Variants in TRPM7 observed in about 807,000 individuals in gnomAD.
The protein encoded by TRPM7 is LTRPC ion channel family member 7.
A neutral mutation model predicts 229.7 loss-of-function variants in TRPM7; 134 were observed. The ratio of observed to expected loss-of-function variants is 0.58; its 90% confidence interval spans 0.51 to 0.67. TRPM7 has a LOEUF of 0.67. Ranked by LOEUF, TRPM7 falls within the 30% of genes least tolerant of loss-of-function variation. The pLI is 0.00. For missense variants in TRPM7, 1,901 were observed against 2,210.0 expected (o/e 0.86, Z 2.80); for synonymous variants, 699 against 715.2 (o/e 0.98, Z 0.36).
intron 38 of TRPM7, among the ~76,000 whole-genome samples, chr15:50,563,054 G>C (rs2053400320): frequency 6.6e-6 from 1 of 152,174 alleles, no homozygotes; most frequent in Admixed American, 6.5e-5. Flanking sequence ...GTGAATGAGA[G>C]GAAAACTAGT....
At chr15:50,604,733 T>G in intron 21 of TRPM7, 133 bp downstream of exon 21, 1 of 841,380 alleles carries the variant, frequency 1.2e-6, no homozygotes, top group Non-Finnish European at 1.8e-6. Context: ...GAATGGCAGA[T>G]GTGAAGTATG....
chr15:50,670,850 A>G (rs914720770), intron 1 of TRPM7, among the ~76,000 whole-genome samples: 3 of 151,836 alleles, frequency 2.0e-5, no homozygotes, highest in African/African-American at 7.3e-5. Flanking sequence ...AGAGGATACT[A>G]TCAACAACTC....
In TRPM7 at chr15:50,612,925, G is replaced by C. The variant is rs2060102535; in HGVS notation, c.1771-96C>G. 4.5e-6 allele frequency: 5 copies of C among 1,109,448 alleles called. No homozygotes were observed. In the East Asian group the frequency reaches 1.2e-4, roughly 27 times the overall value. 68.7% of individuals were successfully genotyped at this position (1,109,448 alleles called of 1,614,324 possible). A position where few individuals can be genotyped will look rare whatever the true frequency, so the allele number is the denominator to read the frequency against. On this transcript the variant is annotated intron_variant, in intron 15 of 38. Transcript: ENST00000646667. ...TAGTAAAATATCTTTACATTATTCA[G>C]CTCCATAAAACTGCACAATAGCATA...
chr15:50,635,885 A>C lies in TRPM7; in HGVS notation c.833-1329T>G, dbSNP rs111280136. 1.5e-3 allele frequency among the ~76,000 whole-genome samples: 227 copies of C among 151,860 alleles called. 2 individuals carry two copies. Among genetic ancestry groups the C allele is most frequent in the African/African-American group, 5.1e-3 (212 of 41,418 alleles). ...TCCTAGCTACTCGGGAGGCTGAGGG[A>C]TGAGAATCGCTTGAACCCAGGAGGC... On this transcript the variant is annotated intron_variant, in intron 7 of 38. Transcript: ENST00000646667.
chr15:50,592,323 T>G lies in TRPM7; in HGVS notation c.3912A>C (p.Gln1304His). ...AAGGATTATTACTTTCAAGATCACC[T>G]TGAGGAAGAGAGGAGCTAAGTGTAT... The part of the protein sequence containing the change: ...VVNTLSSSLP[Q>H]GDLESNNPFH... The change falls in exon 26 of 39, where the codon CAA becomes CAC. Residue 1304 changes from glutamine to histidine, a missense_variant. This residue lies in a region of TRPM7 where 533 missense variants were observed against 497.1 expected (regional missense o/e 1.07). Transcript: ENST00000646667. The G allele has an allele frequency of 6.2e-7, 1 of 1,614,012 alleles. No homozygotes were observed. The highest frequency in any genetic ancestry group is 8.5e-7 in the Non-Finnish European group (1 of 1,179,930).
At chr15:50,593,586 A>G in intron 25 of TRPM7, 31 bp downstream of exon 25, 2 of 1,598,758 alleles carry the variant, frequency 1.3e-6, no homozygotes, top group South Asian at 1.1e-5. Flanking sequence ...ATTTTGACAT[A>G]TAACCGATTT....
At chr15:50,632,701 T>C (rs2060774431) in intron 9 of TRPM7, among the ~76,000 whole-genome samples, 168 bp downstream of exon 9, 1 of 152,220 alleles carries the variant, frequency 6.6e-6, no homozygotes, top group Non-Finnish European at 1.5e-5. Flanking sequence ...CCTTCTATGA[T>C]ACCTCTCAAC....
At chr15:50,679,536 ATATT>A (rs1246874353) in intron 1 of TRPM7, among the ~76,000 whole-genome samples, 1,353 of 48,698 alleles carry the variant, frequency 0.028, 14 homozygotes, top group Middle Eastern at 0.069. Context: ...ATATATATAT[ATATT>A]TTTTTTTTTT....
rs1464349336 is a variant in TRPM7, at chr15:50,604,959, GTAAAT to G, written c.2890_2894del (p.Ile964LeufsTer3). On this transcript the variant is annotated frameshift_variant, in exon 21 of 39. Coordinates refer to ENST00000646667, the MANE Select transcript of TRPM7 (RefSeq NM_017672.6). LOFTEE classifies it high-confidence loss of function. ...CATACCAAAATATTATGTTAAGACAGTAAATTAATCTTCCAGCCACAAAAACATGA... is the reference window on the plus strand; with the variant it reads ...CATACCAAAATATTATGTTAAGACAGTAATCTTCCAGCCACAAAAACATGA... 1.2e-6 allele frequency: 2 copies of G among 1,613,868 alleles called. No individual in the cohort carries two copies. The highest frequency in any genetic ancestry group is 1.7e-6 in the Non-Finnish European group (2 of 1,179,888).
chr15:50,627,881 ACT>A (rs1316612412), intron 11 of TRPM7, among the ~76,000 whole-genome samples: 4 of 152,086 alleles, frequency 2.6e-5, no homozygotes, highest in Admixed American at 1.3e-4. Flanking sequence ...GCTAGAATGG[ACT>A]CTCTGGTATA....
intron 36 of TRPM7, among the ~76,000 whole-genome samples, chr15:50,572,495 C>T (rs1241793216): frequency 6.6e-6 from 1 of 152,182 alleles, no homozygotes; most frequent in Admixed American, 6.5e-5. Flanking sequence ...AATGCTATCA[C>T]ACACTTTAGA....
At chr15:50,575,206 T>G in intron 33 of TRPM7, 71 bp from the exon 34 acceptor site, 6 of 1,361,244 alleles carry the variant, frequency 4.4e-6, no homozygotes, top group Non-Finnish European at 6.0e-6. Context: ...AAATAAAAAT[T>G]AGCAGGCATC....
At chr15:50,649,437 C>G (rs989660697) in intron 3 of TRPM7, among the ~76,000 whole-genome samples, 1 of 92,792 alleles carries the variant, frequency 1.1e-5, no homozygotes, top group African/African-American at 4.5e-5. Flanking sequence ...GACCCCAACT[C>G]AAAAAAAAAA....
intron 1 of TRPM7, among the ~76,000 whole-genome samples, chr15:50,679,178 A>T (rs1406140736): frequency 1.5e-5 from 2 of 135,118 alleles, no homozygotes; most frequent in Non-Finnish European, 3.2e-5. Context: ...AGTCAAAAAA[A>T]TTTTTTAATT....
In TRPM7 at chr15:50,664,308, CA is replaced by C. The variant is rs36108092; in HGVS notation, c.4-1263del. On this transcript the variant is annotated intron_variant, in intron 1 of 38. Transcript: ENST00000646667. Reference sequence around the variant, plus strand: ...CTGGCGACAGAGCAAGACTCCGTCTCAAAAAAAAAAAAAAAAAAAAGTGATA... The same window carrying C: ...CTGGCGACAGAGCAAGACTCCGTCTCAAAAAAAAAAAAAAAAAAAGTGATA... Among the ~76,000 whole-genome samples the C allele has an allele frequency of 6.2e-3, 365 of 58,914 alleles. 2 individuals carry two copies. The highest frequency in any genetic ancestry group is 0.032 in the East Asian group (58 of 1,812). 38.6% of individuals were successfully genotyped at this position (58,914 alleles called of 152,430 possible).
intron 38 of TRPM7, among the ~76,000 whole-genome samples, chr15:50,562,980 C>CT (rs1320336542): frequency 1.3e-5 from 2 of 152,134 alleles, no homozygotes; most frequent in Admixed American, 1.3e-4. Context: ...ACTGCAAAGA[C>CT]TGTCAGAAGG....
intron 38 of TRPM7, among the ~76,000 whole-genome samples, chr15:50,566,721 G>C (rs1439389213): frequency 6.6e-6 from 1 of 151,800 alleles, no homozygotes; most frequent in Non-Finnish European, 1.5e-5. Flanking sequence ...ATAAAGATCC[G>C]AGAATCAATA....
At chr15:50,673,149 T>C (rs1321488179) in intron 1 of TRPM7, among the ~76,000 whole-genome samples, 2 of 152,066 alleles carry the variant, frequency 1.3e-5, no homozygotes, top group Admixed American at 6.6e-5. Flanking sequence ...ATAAGTGTAA[T>C]GCCCTAGGCC....
In TRPM7 at chr15:50,592,141, A is replaced by G. The variant is rs774042384; in HGVS notation, c.4094T>C (p.Leu1365Pro). ...LFPSAVSPPE[L>P]RQRLHGVELL... ...TTCTACCCCATGTAGTCTCTGTCGC[A>G]GTTCTGGAGGGGAAACAGCACTTGG... Residue 1365 changes from leucine to proline, a missense_variant, in exon 26 of 39, where the codon CTG becomes CCG. By Grantham distance (98) the Leu-to-Pro change is moderately conservative. Around this residue, in one of 8 missense-constraint regions of TRPM7, gnomAD observed 533 missense variants for 497.1 expected, o/e 1.07. Coordinates refer to ENST00000646667, the MANE Select transcript of TRPM7 (RefSeq NM_017672.6). 1.2e-6 allele frequency: 2 copies of G among 1,613,502 alleles called. No homozygotes were observed. The highest frequency in any genetic ancestry group is 4.5e-5 in the East Asian group (2 of 44,878).
Sources: allele counts gnomAD v4.1 joint callset (sites outside exome capture counted in the v4.1 genomes callset), GRCh38; gene constraint gnomAD v4.1.1; regional missense constraint gnomAD v4.1.1; transcripts MANE v1.5; gene names NCBI Gene and HGNC (gene_info 2026-07-23, HGNC 2026-07-21).